Variants in STX18 observed in about 807,000 individuals in gnomAD.
STX18 encodes syntaxin 18.
Under a neutral mutation model 50.1 loss-of-function variants are expected in STX18, and 40 were observed. The observed-to-expected ratio is 0.80, with a 90% confidence interval of 0.62 to 1.04. The LOEUF (loss-of-function observed/expected upper bound fraction) is 1.04, where lower values mean the gene tolerates loss of function less well. Ranked by LOEUF, STX18 falls within the 50% of genes least tolerant of loss-of-function variation. The pLI is 0.00. For synonymous variants in STX18, 158 were observed against 151.8 expected, an observed-to-expected ratio of 1.04 and a Z score of -0.30; for missense variants, 410 against 415.8, an observed-to-expected ratio of 0.99 and a Z score of 0.12.
chr4:4,488,969 T>A (rs1441085), intron 1 of STX18, among the ~76,000 whole-genome samples: 54,010 of 152,032 alleles, frequency 0.36, 13,279 homozygotes, highest in African/African-American at 0.7. Flanking sequence ...ATTCTGCTTG[T>A]CAGATGTCAA....
intron 1 of STX18, among the ~76,000 whole-genome samples, chr4:4,485,972 G>A (rs977529250): frequency 2.6e-5 from 4 of 152,148 alleles, no homozygotes; most frequent in African/African-American, 9.7e-5. Flanking sequence ...TGCTCTCTTA[G>A]AAGTACGAGT....
At chr4:4,495,955 G>A (rs1306391878) in intron 1 of STX18, among the ~76,000 whole-genome samples, 1 of 152,154 alleles carries the variant, frequency 6.6e-6, no homozygotes, top group African/African-American at 2.4e-5. Flanking sequence ...AGGTGAATAA[G>A]AGCATCTATG....
chr4:4,436,254 A>C (rs966599933), intron 6 of STX18, among the ~76,000 whole-genome samples: 5 of 152,278 alleles, frequency 3.3e-5, no homozygotes, highest in Admixed American at 2.6e-4. Context: ...TAGTGCATGC[A>C]GGCTTTTAGA....
At chr4:4,508,910 T>G (rs1247475753) in intron 1 of STX18, among the ~76,000 whole-genome samples, 2 of 152,260 alleles carry the variant, frequency 1.3e-5, no homozygotes, top group Non-Finnish European at 2.9e-5. Context: ...TTTTTATGGC[T>G]GCATAGTATT....
intron 1 of STX18, among the ~76,000 whole-genome samples, chr4:4,524,548 C>A (rs1730663399): frequency 6.6e-6 from 1 of 151,876 alleles, no homozygotes; most frequent in Non-Finnish European, 1.5e-5. Flanking sequence ...CCAGAGGGGG[C>A]ATTATGAGAA....
chr4:4,457,442 G>A lies in STX18; in HGVS notation c.411C>T (p.Phe137=). The A allele has an allele frequency of 6.2e-7, 1 of 1,613,696 alleles. No homozygotes were observed. Residue 137 remains phenylalanine, a synonymous_variant, in exon 4 of 11, where the codon TTC becomes TTT. Coordinates refer to ENST00000306200, the MANE Select transcript of STX18 (RefSeq NM_016930.4). ...VKEHRTAVLD[F]IEDYLKRVCK... is the part of the protein sequence containing the mutation. Reference sequence around the variant, plus strand: ...AAATACTTTTCAAGTAATCTTCAATGAAATCCAAAACAGCGGTCCTGTGCT... The same window carrying A: ...AAATACTTTTCAAGTAATCTTCAATAAAATCCAAAACAGCGGTCCTGTGCT...
At chr4:4,515,665 C>T (rs1364276064) in intron 1 of STX18, among the ~76,000 whole-genome samples, 1 of 152,120 alleles carries the variant, frequency 6.6e-6, no homozygotes, top group Non-Finnish European at 1.5e-5. Flanking sequence ...TAGCAGTCTA[C>T]ATGTATTTTT....
In STX18 at chr4:4,529,908, T is replaced by C. The variant is rs567701985; in HGVS notation, c.168+11889A>G. Among the ~76,000 whole-genome samples, 8 of 152,290 alleles carry C rather than the reference T, an allele frequency of 5.3e-5. 1 individual carries two copies. The East Asian group carries it at 1.2e-3, about 22-fold the overall frequency. Reference sequence around the variant, plus strand: ...ACATCAATGCAACATTTGTGGATGATTTTCTCATATAGATTAAGAAAGTCT... The same window carrying C: ...ACATCAATGCAACATTTGTGGATGACTTTCTCATATAGATTAAGAAAGTCT... On this transcript the variant is annotated intron_variant, in intron 1 of 10. Coordinates refer to ENST00000306200, the MANE Select transcript of STX18 (RefSeq NM_016930.4).
intron 1 of STX18, chr4:4,507,497 G>A: frequency 1.3e-6 from 1 of 767,418 alleles, no homozygotes; most frequent in South Asian, 1.3e-5. Context: ...GCTCAGAGGA[G>A]AATTCTGCCT....
intron 1 of STX18, among the ~76,000 whole-genome samples, chr4:4,506,484 T>G (rs572612339): frequency 1.3e-5 from 2 of 152,320 alleles, no homozygotes; most frequent in African/African-American, 4.8e-5. Context: ...GACAAAATTA[T>G]AGCAATGGAG....
chr4:4,503,636 C>G (rs1206187048), intron 1 of STX18, among the ~76,000 whole-genome samples: 1 of 152,096 alleles, frequency 6.6e-6, no homozygotes, highest in Non-Finnish European at 1.5e-5. Flanking sequence ...GTAACCAAAA[C>G]AACCTGTTCC....
intron 1 of STX18, among the ~76,000 whole-genome samples, chr4:4,520,407 G>C (rs1730457754): frequency 6.6e-6 from 1 of 152,124 alleles, no homozygotes. Flanking sequence ...CAGTGAGCTA[G>C]AGAACAAAAG....
At chr4:4,486,484 C>T (rs1032492536) in intron 1 of STX18, among the ~76,000 whole-genome samples, 5 of 152,192 alleles carry the variant, frequency 3.3e-5, no homozygotes, top group Non-Finnish European at 7.4e-5. Context: ...ATGATCACCG[C>T]AAACACTATT....
chr4:4,511,286 C>T (rs6819165), intron 1 of STX18, among the ~76,000 whole-genome samples: 32,237 of 152,128 alleles, frequency 0.21, 3,757 homozygotes, highest in African/African-American at 0.32. Flanking sequence ...GTCCAGCCTA[C>T]GCTAATGTGG....
chr4:4,488,101 C>A (rs1428516606), intron 1 of STX18, among the ~76,000 whole-genome samples: 1 of 152,210 alleles, frequency 6.6e-6, no homozygotes, highest in East Asian at 1.9e-4. Flanking sequence ...CATATAGTCT[C>A]TATGACAAGC....
At chr4:4,449,536 AAT>A (rs1726635041) in intron 5 of STX18, among the ~76,000 whole-genome samples, 1 of 152,120 alleles carries the variant, frequency 6.6e-6, no homozygotes, top group East Asian at 1.9e-4. Flanking sequence ...GAGATCTCTG[AAT>A]TTGAGTTTGA....
chr4:4,426,292 T>C (rs570819293), intron 7 of STX18: 6 of 152,330 alleles, frequency 3.9e-5, no homozygotes, highest in African/African-American at 1.4e-4. Flanking sequence ...ATTCCAGTTG[T>C]TCTTTCTTTC....
intron 1 of STX18, among the ~76,000 whole-genome samples, chr4:4,527,861 C>CAT (rs1730862332): frequency 9.4e-6 from 1 of 106,226 alleles, no homozygotes; most frequent in Non-Finnish European, 2.1e-5. Context: ...TACACACACA[C>CAT]ACACACATAT....
intron 1 of STX18, among the ~76,000 whole-genome samples, chr4:4,508,409 T>TG (rs1170523192): frequency 6.6e-6 from 1 of 152,194 alleles, no homozygotes; most frequent in Non-Finnish European, 1.5e-5. Flanking sequence ...TTGTTTTTTT[T>TG]TGTGTGTTGC....
Sources: allele counts gnomAD v4.1 joint callset (sites outside exome capture counted in the v4.1 genomes callset), GRCh38; gene constraint gnomAD v4.1.1; transcripts MANE v1.5; gene names NCBI Gene and HGNC (gene_info 2026-07-23, HGNC 2026-07-21).